Variants in NFYB observed in about 807,000 individuals in gnomAD.
NFYB encodes the protein nuclear transcription factor Y subunit beta, also known as CAAT box DNA-binding protein subunit B.
Under a neutral mutation model 28.0 loss-of-function variants are expected in NFYB, and 13 were observed. The ratio of observed to expected loss-of-function variants is 0.46; its 90% CI spans 0.30 to 0.74. The LOEUF (loss-of-function observed/expected upper bound fraction) is 0.74. Among genes scored for constraint, NFYB ranks in the 30% least tolerant of loss-of-function variants. The pLI is 0.07. For synonymous variants in NFYB, 74 were observed against 75.0 expected, an observed-to-expected ratio of 0.99 and a Z score of 0.07; for missense variants, 142 against 247.6, an observed-to-expected ratio of 0.57 and a Z score of 2.86.
At chr12:104,124,846 T>C (rs1300016272) in intron 4 of NFYB, among the ~76,000 whole-genome samples, 1 of 152,196 alleles carries the variant, frequency 6.6e-6, no homozygotes, top group Non-Finnish European at 1.5e-5. Flanking sequence ...TTGTGCTTTT[T>C]TTTCCTTAAA....
intron 1 of NFYB, 35 bp from the exon 2 acceptor site, chr12:104,135,567 A>G (rs1593639600): frequency 1.2e-6 from 1 of 861,426 alleles, no homozygotes; most frequent in African/African-American, 1.7e-5. Flanking sequence ...CCTAACATCT[A>G]TCAATAGTAA....
intron 3 of NFYB, among the ~76,000 whole-genome samples, chr12:104,127,163 G>A (rs1045848650): frequency 9.2e-5 from 14 of 152,040 alleles, no homozygotes; most frequent in African/African-American, 2.2e-4. Flanking sequence ...TTCAATTTAC[G>A]TTTTTATGTG....
At chr12:104,130,512 G>A (rs2030884156) in intron 2 of NFYB, among the ~76,000 whole-genome samples, 1 of 152,078 alleles carries the variant, frequency 6.6e-6, no homozygotes, top group South Asian at 2.1e-4. Flanking sequence ...TGAACATAGG[G>A]TACCTATTTG....
At chr12:104,126,828 TGTAAAA>T (rs1323931547) in intron 3 of NFYB, among the ~76,000 whole-genome samples, 1 of 152,250 alleles carries the variant, frequency 6.6e-6, no homozygotes, top group African/African-American at 2.4e-5. Context: ...AACTCATTTA[TGTAAAA>T]GTCTATATAA....
rs1253694299 is a variant in NFYB, at chr12:104,119,002, C to T, written c.*735G>A. 2.0e-5 allele frequency: 3 copies of T among 152,074 alleles called. No individual in the cohort carries two copies. Among genetic ancestry groups the T allele is most frequent in the African/African-American group, 7.2e-5 (3 of 41,382 alleles). The allele number at this position is 152,074 out of a possible 1,614,324, so 9.4% of individuals were successfully genotyped here. On this transcript the variant is annotated 3_prime_UTR_variant, in exon 8 of 8. Transcript: ENST00000240055. ...ACTACATTAAACTTAAATATATTCC[C>T]ACATTCTTAAAAATGTAACTCAAAA...
chr12:104,124,490 C>T (rs183975190), intron 4 of NFYB, among the ~76,000 whole-genome samples: 3 of 152,280 alleles, frequency 2.0e-5, no homozygotes, highest in Admixed American at 2.0e-4. Flanking sequence ...AGAAAGTAAA[C>T]AAGAACTGCA....
chr12:104,120,556 T>C, intron 6 of NFYB, 77 bp from the exon 7 acceptor site: 1 of 972,704 alleles, frequency 1.0e-6, no homozygotes, highest in Non-Finnish European at 1.6e-6. Flanking sequence ...GGTTGTACCA[T>C]TAATGTCTCA....
chr12:104,121,177 A>G, intron 6 of NFYB, 63 bp downstream of exon 6: 1 of 1,332,432 alleles, frequency 7.5e-7, no homozygotes, highest in Non-Finnish European at 1.1e-6. Context: ...CAAAAATACC[A>G]TTAGATACTT....
rs553073126 is a variant in NFYB, at chr12:104,120,910, T to TA, written c.511+329dup. ...CAATATGACAACATGATACTCAATT[T>TA]AAAAAAAACTGAGTTGAAATTTATT... On this transcript the variant is annotated intron_variant, in intron 6 of 7. Transcript: ENST00000240055. Among the ~76,000 whole-genome samples the TA allele has an allele frequency of 6.6e-4, 101 of 152,104 alleles. 4 individuals are homozygous for TA. The South Asian group carries it at 0.021, about 31-fold the overall frequency.
At chr12:104,123,658 C>A (rs1316674397) in intron 4 of NFYB, among the ~76,000 whole-genome samples, 1 of 152,090 alleles carries the variant, frequency 6.6e-6, no homozygotes, top group Admixed American at 6.5e-5. Flanking sequence ...AGAAACAAAT[C>A]TAATTTAGAT....
intron 7 of NFYB, 63 bp downstream of exon 7, chr12:104,120,337 G>A: frequency 7.2e-7 from 1 of 1,385,780 alleles, no homozygotes; most frequent in Non-Finnish European, 1.0e-6. Context: ...TTACAGGCAT[G>A]AGCCATGGGG....
intron 1 of NFYB, among the ~76,000 whole-genome samples, chr12:104,137,057 A>T (rs2031127731): frequency 6.6e-6 from 1 of 152,200 alleles, no homozygotes; most frequent in Admixed American, 6.5e-5. Flanking sequence ...ACTGATATTG[A>T]TCCGTTTGCT....
Position 104,135,270 on chromosome 12 carries a change from T to C in NFYB, c.6+178A>G, listed in dbSNP as rs139848781. Reference sequence around the variant, plus strand: ...ACAGCACTTAGGGACCCATGGGAAATAATATATGCAAGAAGCTGAAAATAA... The same window carrying C: ...ACAGCACTTAGGGACCCATGGGAAACAATATATGCAAGAAGCTGAAAATAA... On this transcript the variant is annotated intron_variant, in intron 2 of 7. Transcript: ENST00000240055. Among the ~76,000 whole-genome samples the C allele has an allele frequency of 5.0e-3, 761 of 152,284 alleles. 3 individuals are homozygous for C. The highest frequency in any genetic ancestry group is 0.017 in the African/African-American group (715 of 41,548).
At chr12:104,130,979 T>C (rs1353075605) in intron 2 of NFYB, among the ~76,000 whole-genome samples, 2 of 152,192 alleles carry the variant, frequency 1.3e-5, no homozygotes, top group Non-Finnish European at 2.9e-5. Flanking sequence ...AATGAGTGTT[T>C]ACATGATACC....
At chr12:104,123,883 C>G (rs985872668) in intron 4 of NFYB, among the ~76,000 whole-genome samples, 4 of 152,106 alleles carry the variant, frequency 2.6e-5, no homozygotes, top group Non-Finnish European at 4.4e-5. Flanking sequence ...ATTGCTTGAA[C>G]CCAGGAGGCG....
At position 104,135,521 on chromosome 12, in the gene NFYB, T is replaced by C. The variant is rs2031069826; in HGVS notation, c.-68A>G. The C allele has an allele frequency of 7.0e-7, 1 of 1,434,624 alleles. No homozygotes were observed. Among genetic ancestry groups the C allele is most frequent in the Non-Finnish European group, 9.4e-7 (1 of 1,065,218 alleles). 88.9% of individuals were successfully genotyped at this position (1,434,624 alleles called of 1,614,324 possible). On this transcript the variant is annotated 5_prime_UTR_variant, in exon 2 of 8. Coordinates refer to ENST00000240055, the MANE Select transcript of NFYB (RefSeq NM_006166.4). ...CCTATCTAAAAAGGTGTCTAATCTT[T>C]GTGATTTCAACCTAAAAGATAAACA...
At chr12:104,134,506 C>T (rs975691378) in intron 2 of NFYB, among the ~76,000 whole-genome samples, 2 of 152,156 alleles carry the variant, frequency 1.3e-5, no homozygotes, top group Non-Finnish European at 1.5e-5. Flanking sequence ...TTAAAAATGT[C>T]TCCTAGATAT....
Position 104,135,529 on chromosome 12 carries a change from CA to C in NFYB, c.-77del. 7.3e-7 allele frequency: 1 copy of C among 1,369,542 alleles called. No individual in the cohort carries two copies. 84.8% of individuals were successfully genotyped at this position (1,369,542 alleles called of 1,614,324 possible). ...AAAAGGTGTCTAATCTTTGTGATTTCAACCTAAAAGATAAACATCTATTAGG... is the reference window on the plus strand; with the variant it reads ...AAAAGGTGTCTAATCTTTGTGATTTCACCTAAAAGATAAACATCTATTAGG... On this transcript the variant is annotated splice_region_variant and 5_prime_UTR_variant, in exon 2 of 8. Coordinates refer to ENST00000240055, the MANE Select transcript of NFYB (RefSeq NM_006166.4).
At chr12:104,120,299 C>T in intron 7 of NFYB, 101 bp downstream of exon 7, 1 of 873,480 alleles carries the variant, frequency 1.1e-6, no homozygotes, top group East Asian at 2.7e-5. Context: ...AGGTGATCCA[C>T]CCACCTCGGC....
Sources: allele counts gnomAD v4.1 joint callset (sites outside exome capture counted in the v4.1 genomes callset), GRCh38; gene constraint gnomAD v4.1.1; transcripts MANE v1.5; gene names NCBI Gene and HGNC (gene_info 2026-07-23, HGNC 2026-07-21).